The following DLD variants were observed in gnomAD, a reference collection of about 807,000 sequenced individuals.
The protein encoded by DLD is dihydrolipoyl dehydrogenase, mitochondrial.
A neutral mutation model predicts 62.2 loss-of-function variants in DLD; 36 were observed. That is an observed-to-expected ratio of 0.58 (90% CI 0.44 to 0.76). The LOEUF is 0.76. DLD is among the 30% of genes least tolerant of loss of function. The pLI is 0.00. For synonymous variants in DLD, 204 were observed against 199.6 expected, an observed-to-expected ratio of 1.02 and a Z score of -0.19; for missense variants, 541 against 608.6, an observed-to-expected ratio of 0.89 and a Z score of 1.17.
At chr7:107,897,939 G>A (rs1396083747) in intron 2 of DLD, among the ~76,000 whole-genome samples, 1 of 152,130 alleles carries the variant, frequency 6.6e-6, no homozygotes, top group Non-Finnish European at 1.5e-5. Flanking sequence ...TTCAGTGGTA[G>A]CCTGGATAAC....
At chr7:107,904,517 T>C (rs1584464044) in intron 5 of DLD, 1 of 360,858 alleles carries the variant, frequency 2.8e-6, no homozygotes, top group East Asian at 7.3e-5. Context: ...ACCTAGGTGA[T>C]TAAACTTTTT....
intron 8 of DLD, among the ~76,000 whole-genome samples, chr7:107,912,707 A>G (rs753253543): frequency 2.6e-5 from 4 of 152,012 alleles, no homozygotes; most frequent in Non-Finnish European, 5.9e-5. Context: ...CTGATTATTA[A>G]TCCTTTGTCG....
intron 2 of DLD, among the ~76,000 whole-genome samples, chr7:107,894,295 A>G (rs1231987421): frequency 2.6e-5 from 4 of 152,212 alleles, no homozygotes; most frequent in Admixed American, 6.5e-5. Flanking sequence ...AGTTATAGAA[A>G]TCATTATCTG....
Position 107,919,458 on chromosome 7 carries a change from G to T in DLD, c.*199G>T. 2.0e-6 allele frequency: 1 copy of T among 508,460 alleles called. No homozygotes were observed. 31.5% of individuals were successfully genotyped at this position (508,460 alleles called of 1,614,324 possible). A position where few individuals can be genotyped will look rare whatever the true frequency, so the allele number is the denominator to read the frequency against. On this transcript the variant is annotated 3_prime_UTR_variant, in exon 14 of 14. Transcript: ENST00000205402. ...CATAAATTTAGTATTTTGTTTCAGT[G>T]CACTAATGTGTAAGACAAAAAGCTA...
chr7:107,917,313 G>T lies in DLD; in HGVS notation c.1087G>T (p.Ala363Ser). The T allele has an allele frequency of 6.2e-7, 1 of 1,614,106 alleles. No individual in the cohort carries two copies. ...IGDVVAGPML[A>S]HKAEDEGIIC... Reference sequence around the variant, plus strand: ...TGATGTAGTTGCTGGTCCAATGCTGGCTCACAAAGCAGAGGATGAAGGCAT... The same window carrying T: ...TGATGTAGTTGCTGGTCCAATGCTGTCTCACAAAGCAGAGGATGAAGGCAT... Residue 363 changes from alanine (A) to serine (S), a missense_variant, in exon 11 of 14, where the codon GCT (alanine) becomes TCT (serine). Transcript: ENST00000205402.
intron 1 of DLD, 75 bp from the exon 2 acceptor site, chr7:107,893,123 TTC>T: frequency 1.6e-6 from 2 of 1,234,852 alleles, no homozygotes; most frequent in Non-Finnish European, 2.3e-6. Context: ...CCCAAAATTG[TTC>T]TGTTATCATC....
chr7:107,917,262 T>G lies in DLD; in HGVS notation c.1047-11T>G, dbSNP rs1353565207. 1 of 1,613,980 alleles carries G rather than the reference T, an allele frequency of 6.2e-7. No individual in the cohort carries two copies. On this transcript the variant is annotated splice_polypyrimidine_tract_variant and intron_variant, in intron 10 of 13. Transcript: ENST00000205402. ...AGAAATTCATTGTGTTTCTTTTGAT[T>G]TCTGTGGTAGTATCTATGCCATTGG...
Position 107,916,082 on chromosome 7 carries a change from TTAAA to T in DLD, c.875+393_875+396del, listed in dbSNP as rs1464419337. 4.6e-5 allele frequency among the ~76,000 whole-genome samples: 7 copies of T among 152,322 alleles called. 1 individual carries two copies. In the South Asian group the frequency reaches 1.0e-3, roughly 23 times the overall value. ...GGCATTTAACTTATTGAATTAGTTT[TTAAA>T]TAAATATTTAAATTAAATAGTTAAT... On this transcript the variant is annotated intron_variant, in intron 9 of 13. Coordinates refer to ENST00000205402, the MANE Select transcript of DLD (RefSeq NM_000108.5).
Position 107,909,104 on chromosome 7 carries a change from T to C in DLD, c.684+2736T>C, listed in dbSNP as rs116776904. ...GCTTTGAAATCAGTTTAGTTGTTTTTATAAAGCAGACATTGAGCTTATGTT... is the reference window on the plus strand; with the variant it reads ...GCTTTGAAATCAGTTTAGTTGTTTTCATAAAGCAGACATTGAGCTTATGTT... On this transcript the variant is annotated intron_variant, in intron 8 of 13. Transcript: ENST00000205402. 3.5e-3 allele frequency among the ~76,000 whole-genome samples: 526 copies of C among 152,344 alleles called. 2 individuals are homozygous for C. Among genetic ancestry groups the C allele is most frequent in the African/African-American group, 0.011 (476 of 41,584 alleles).
At position 107,902,354 on chromosome 7, in the gene DLD, T is replaced by C; in HGVS notation, c.228T>C (p.Leu76=). Residue 76 remains leucine (L), a synonymous_variant, in exon 4 of 14, where the codon CTT becomes CTC. Coordinates refer to ENST00000205402, the MANE Select transcript of DLD (RefSeq NM_000108.5). ...KTVCIEKNET[L]GGTCLNVGCI... ...TCTGCATTGAGAAAAATGAAACACT[T>C]GGTGGAACATGCTTGAATGTTGGTT... is the stretch of plus-strand genomic sequence containing the variant. The C allele has an allele frequency of 6.2e-7, 1 of 1,613,896 alleles. No individual in the cohort carries two copies. The highest frequency in any genetic ancestry group is 1.1e-5 in the South Asian group (1 of 91,072).
At chr7:107,916,476 C>A (rs538499970) in intron 9 of DLD, among the ~76,000 whole-genome samples, 6 of 152,074 alleles carry the variant, frequency 3.9e-5, no homozygotes, top group Non-Finnish European at 7.4e-5. Flanking sequence ...AGATCAAGAC[C>A]AGCCTGGCAA....
Position 107,902,742 on chromosome 7 carries a change from A to T in DLD, c.267+349A>T, listed in dbSNP as rs539297488. Among the ~76,000 whole-genome samples the T allele has an allele frequency of 1.9e-3, 289 of 152,318 alleles. 4 individuals carry two copies. Among genetic ancestry groups the T allele is most frequent in the African/African-American group, 6.4e-3 (265 of 41,568 alleles). ...TTCTTTTAGGTCCTTTTTGTATGTA[A>T]ACATGACTGCCTTTTTCACCTGCCA... is the stretch of plus-strand genomic sequence containing the variant. On this transcript the variant is annotated intron_variant, in intron 4 of 13. Transcript: ENST00000205402.
intron 2 of DLD, among the ~76,000 whole-genome samples, chr7:107,897,751 G>T (rs2031764622): frequency 6.6e-6 from 1 of 151,786 alleles, no homozygotes; most frequent in Non-Finnish European, 1.5e-5. Flanking sequence ...GCTAATTTTT[G>T]TATTTTTAGT....
At chr7:107,903,359 T>A (rs994460190) in intron 4 of DLD, 119 bp from the exon 5 acceptor site, 11 of 667,736 alleles carry the variant, frequency 1.6e-5, no homozygotes, top group Non-Finnish European at 2.9e-5. Context: ...GCTTGGGCAA[T>A]AAGAACGAAA....
At chr7:107,908,886 T>A (rs1172735280) in intron 8 of DLD, among the ~76,000 whole-genome samples, 1 of 152,218 alleles carries the variant, frequency 6.6e-6, no homozygotes, top group Non-Finnish European at 1.5e-5. Flanking sequence ...ACCGAATTTT[T>A]AATTCCTATT....
rs1562919677 is a variant in DLD, at chr7:107,915,600, A to C, written c.779A>C (p.Asn260Thr). 6.2e-7 allele frequency: 1 copy of C among 1,613,830 alleles called. No individual in the cohort carries two copies. Among genetic ancestry groups the C allele is most frequent in the Non-Finnish European group, 8.5e-7 (1 of 1,179,858 alleles). The change falls in exon 9 of 14, where the codon AAC becomes ACC. Residue 260 changes from asparagine to threonine, a missense_variant. Asn to Thr is a moderately conservative substitution (Grantham distance 65, BLOSUM62 0). Coordinates refer to ENST00000205402, the MANE Select transcript of DLD (RefSeq NM_000108.5). The part of the protein sequence containing the change: ...GVGIDMEISK[N>T]FQRILQKQGF... ...GGAATTGATATGGAGATATCTAAAAACTTTCAACGCATCCTTCAAAAACAG... is the reference window on the plus strand; with the variant it reads ...GGAATTGATATGGAGATATCTAAAACCTTTCAACGCATCCTTCAAAAACAG...
chr7:107,917,543 A>C, intron 11 of DLD, 81 bp downstream of exon 11: 1 of 1,307,830 alleles, frequency 7.6e-7, no homozygotes. Context: ...GCATTTTATC[A>C]TTATGCTAAT....
intron 8 of DLD, among the ~76,000 whole-genome samples, chr7:107,907,759 C>T (rs1051756347): frequency 6.6e-6 from 1 of 152,192 alleles, no homozygotes; most frequent in African/African-American, 2.4e-5. Flanking sequence ...CACTCATTAA[C>T]ACAGGTTTGT....
At chr7:107,918,126 A>G (rs534465616) in intron 12 of DLD, 65 bp downstream of exon 12, 3 of 1,587,060 alleles carry the variant, frequency 1.9e-6, no homozygotes, top group South Asian at 2.2e-5. Context: ...TTTATTAATT[A>G]TAAACCACCT....
Sources: allele counts gnomAD v4.1 joint callset (sites outside exome capture counted in the v4.1 genomes callset), GRCh38; gene constraint gnomAD v4.1.1; transcripts MANE v1.5; gene names NCBI Gene and HGNC (gene_info 2026-07-23, HGNC 2026-07-21).